The following MGST1 variants were observed in gnomAD, a reference collection of about 807,000 sequenced individuals.
The protein encoded by MGST1 is microsomal glutathione S-transferase 1.
MGST1 carries 5 observed loss-of-function variants against 8.9 expected under a neutral mutation model. The observed-to-expected ratio is 0.56, with a 90% confidence interval of 0.29 to 1.19. The LOEUF is 1.19. Ranked by LOEUF, MGST1 falls within the 50% of genes most tolerant of loss-of-function variation. MGST1 has a pLI of 0.08. For synonymous variants in MGST1, 54 were observed against 67.8 expected (o/e 0.80, Z 1.00); for missense variants, 182 against 187.4 (o/e 0.97, Z 0.17).
rs935445333 is a variant in MGST1 at position 16,399,224 on chromosome 12, T to A, written n.778+15620T>A. Reference sequence around the variant, plus strand: ...ATACAGTTTCTATGTCATGTAAAATTTTCAGGGTTTGGCTAGAGGAAGAAA... The same window carrying A: ...ATACAGTTTCTATGTCATGTAAAATATTCAGGGTTTGGCTAGAGGAAGAAA... On this transcript the variant is annotated intron_variant and non_coding_transcript_variant, in intron 1 of 1. Coordinates refer to the MGST1 transcript ENST00000359720. 4.1e-5 allele frequency: 60 copies of A among 1,478,314 alleles called. No individual in the cohort carries two copies. The African/African-American group carries it at 6.5e-4, about 16-fold the overall frequency. The allele number at this position is 1,478,314 out of a possible 1,614,324, so 91.6% of individuals were successfully genotyped here. A position where few individuals can be genotyped will look rare whatever the true frequency, so the allele number is the denominator to read the frequency against.
intron 4 of MGST1, among the ~76,000 whole-genome samples, chr12:16,518,339 G>A (rs77464452): frequency 0.014 from 2,110 of 152,192 alleles, 50 homozygotes; most frequent in African/African-American, 0.048. Context: ...GCTTATTCCT[G>A]TTCAGCATTC....
intron 4 of MGST1, among the ~76,000 whole-genome samples, chr12:16,504,895 CT>C (rs993752713): frequency 6.6e-6 from 1 of 152,070 alleles, no homozygotes; most frequent in Non-Finnish European, 1.5e-5. Context: ...TCTAATCTTC[CT>C]TTTTTAAAAA....
intron 4 of MGST1, among the ~76,000 whole-genome samples, chr12:16,567,755 G>A (rs948496335): frequency 3.3e-5 from 5 of 152,066 alleles, no homozygotes; most frequent in Non-Finnish European, 5.9e-5. Flanking sequence ...TGTTTGGTAA[G>A]TTGGTATTTT....
chr12:16,491,910 A>G (rs934671433), intron 4 of MGST1, among the ~76,000 whole-genome samples: 2 of 152,170 alleles, frequency 1.3e-5, no homozygotes, highest in Non-Finnish European at 2.9e-5. Context: ...ACGTTAGTCT[A>G]TGAAGCAAAG....
At chr12:16,552,520 A>G (rs1942028095) in intron 4 of MGST1, among the ~76,000 whole-genome samples, 1 of 151,976 alleles carries the variant, frequency 6.6e-6, no homozygotes, top group South Asian at 2.1e-4. Flanking sequence ...CAGTGAACCT[A>G]TTTTTTTCCA....
intron 1 of MGST1, among the ~76,000 whole-genome samples, chr12:16,394,476 A>T (rs11056918): frequency 0.45 from 57,074 of 128,044 alleles, 12,713 homozygotes; most frequent in East Asian, 0.55. Context: ...CTCCCTTTCT[A>T]TCTTTCTTCC....
Position 16,587,682 on chromosome 12 carries a change from G to A in MGST1, n.483-1846G>A, listed in dbSNP as rs182757252. On this transcript the variant is annotated intron_variant and non_coding_transcript_variant, in intron 4 of 4. Coordinates refer to the MGST1 transcript ENST00000538857. The surrounding 1 kb of genome is among the most constrained non-coding windows in gnomAD (Gnocchi z 4.3). ...TGTCAGGAGTGCATTTTAACAGCACGACACAAGTATTTTTCACTACAGGAG... is the reference window on the plus strand; with the variant it reads ...TGTCAGGAGTGCATTTTAACAGCACAACACAAGTATTTTTCACTACAGGAG... Among the ~76,000 whole-genome samples the A allele has an allele frequency of 6.6e-6, 1 of 151,818 alleles. No homozygotes were observed. Among genetic ancestry groups the A allele is most frequent in the Admixed American group, 6.6e-5 (1 of 15,224 alleles).
chr12:16,393,297 C>G (rs1395461432), intron 1 of MGST1, among the ~76,000 whole-genome samples: 1 of 152,176 alleles, frequency 6.6e-6, no homozygotes, highest in Non-Finnish European at 1.5e-5. Flanking sequence ...ATAGAGAAAC[C>G]TACCCTGTCA....
intron 4 of MGST1, among the ~76,000 whole-genome samples, chr12:16,459,115 TAAAGA>T (rs1941200992): frequency 1.3e-5 from 2 of 152,272 alleles, no homozygotes; most frequent in South Asian, 4.1e-4. Flanking sequence ...TGAAGGCAAT[TAAAGA>T]AATTATTCTG....
At chr12:16,477,841 G>A (rs188336249) in intron 4 of MGST1, among the ~76,000 whole-genome samples, 1 of 152,252 alleles carries the variant, frequency 6.6e-6, no homozygotes. Context: ...CTGTTTACCT[G>A]CTTTTAACAG....
chr12:16,514,765 G>A (rs377670019), intron 4 of MGST1, among the ~76,000 whole-genome samples: 4 of 152,230 alleles, frequency 2.6e-5, no homozygotes, highest in African/African-American at 7.2e-5. Flanking sequence ...ATGGTAGTAA[G>A]TGGATCATTT....
Position 16,400,058 on chromosome 12 carries a change from T to C in MGST1, n.778+16454T>C, listed in dbSNP as rs2137061681. The C allele has an allele frequency of 1.9e-6, 3 of 1,580,720 alleles. No individual in the cohort carries two copies. In the East Asian group the frequency reaches 6.7e-5, roughly 35 times the overall value. On this transcript the variant is annotated intron_variant and non_coding_transcript_variant, in intron 1 of 1. Coordinates refer to the MGST1 transcript ENST00000359720. ...ACTTCAAATTCCAGTTCCTCCTTAG[T>C]TAGAGCCTCTACTTTCTCCATGAAA... is the stretch of plus-strand genomic sequence containing the variant.
intron 4 of MGST1, among the ~76,000 whole-genome samples, chr12:16,558,659 T>G (rs2137314338): frequency 6.6e-6 from 1 of 152,248 alleles, no homozygotes; most frequent in East Asian, 1.9e-4. Context: ...CAAGACATTG[T>G]AAGATAACAT....
intron 4 of MGST1, among the ~76,000 whole-genome samples, chr12:16,459,149 A>G (rs925679844): frequency 2.0e-5 from 3 of 152,104 alleles, no homozygotes; most frequent in African/African-American, 4.8e-5. Flanking sequence ...TCTAAATTTA[A>G]TCAGTTATTA....
chr12:16,513,576 G>C lies in MGST1; in HGVS notation n.483-75952G>C, dbSNP rs970132269. On this transcript the variant is annotated intron_variant and non_coding_transcript_variant, in intron 4 of 4. Transcript: ENST00000538857. This position sits in a 1 kb window ranked among gnomAD's most constrained non-coding sequence, Gnocchi z 4.2. Reference sequence around the variant, plus strand: ...ACACCAATAGCAAAAAGATGAATCTGGGAGTTAGTGCCTACAGGGACCACA... The same window carrying C: ...ACACCAATAGCAAAAAGATGAATCTCGGAGTTAGTGCCTACAGGGACCACA... 1 of 492,482 alleles carries C rather than the reference G, an allele frequency of 2.0e-6. No individual in the cohort carries two copies. Among genetic ancestry groups the C allele is most frequent in the Admixed American group, 2.3e-5 (1 of 43,410 alleles). 30.5% of individuals were successfully genotyped at this position (492,482 alleles called of 1,614,324 possible).
chr12:16,383,965 A>G (rs1938226826), intron 1 of MGST1, among the ~76,000 whole-genome samples: 1 of 152,168 alleles, frequency 6.6e-6, no homozygotes, highest in Non-Finnish European at 1.5e-5. Context: ...AGACTTTATT[A>G]CCAAAGGGAA....
intron 4 of MGST1, among the ~76,000 whole-genome samples, chr12:16,473,678 T>G (rs1334002152): frequency 6.6e-6 from 1 of 152,212 alleles, no homozygotes; most frequent in Non-Finnish European, 1.5e-5. Context: ...GTGTTTTGAA[T>G]GGTCATTTCC....
At chr12:16,518,509 TA>T (rs1186936654) in intron 4 of MGST1, among the ~76,000 whole-genome samples, 1 of 151,978 alleles carries the variant, frequency 6.6e-6, no homozygotes, top group African/African-American at 2.4e-5. Context: ...CCCTCTTTTT[TA>T]AAAAAAATGT....
At chr12:16,545,586 A>C (rs368124687) in intron 4 of MGST1, among the ~76,000 whole-genome samples, 1 of 152,078 alleles carries the variant, frequency 6.6e-6, no homozygotes, top group South Asian at 2.1e-4. Flanking sequence ...TTATTATGGC[A>C]TATTTATCCT....
Sources: allele counts gnomAD v4.1 joint callset (sites outside exome capture counted in the v4.1 genomes callset), GRCh38; gene constraint gnomAD v4.1.1; non-coding constraint Gnocchi (gnomAD v3.1); transcripts MANE v1.5; gene names NCBI Gene and HGNC (gene_info 2026-07-23, HGNC 2026-07-21).